Variants in DNMBP observed in about 807,000 individuals in gnomAD.
The protein encoded by DNMBP is dynamin-binding protein.
DNMBP carries 87 observed loss-of-function variants against 150.0 expected under a neutral mutation model. The ratio of observed to expected loss-of-function variants is 0.58; its 90% CI spans 0.49 to 0.69. The LOEUF (loss-of-function observed/expected upper bound fraction) is 0.69, where lower values mean the gene tolerates loss of function less well. DNMBP is among the 30% of genes least tolerant of loss of function. The probability of loss-of-function intolerance (pLI) is 0.00; values close to 1 mark genes in which losing one functional copy is unlikely to be tolerated. For missense variants in DNMBP, 1,774 were observed against 1,949.0 expected (o/e 0.91, Z 1.69); for synonymous variants, 711 against 750.4 (o/e 0.95, Z 0.86).
chr10:100,009,288 T>C (rs1480271195), intron 1 of DNMBP, among the ~76,000 whole-genome samples: 1 of 152,250 alleles, frequency 6.6e-6, no homozygotes, highest in African/African-American at 2.4e-5. Flanking sequence ...CATCTGTGCC[T>C]GCAGCAGGAA....
chr10:99,948,611 GA>G (rs2040385229), intron 4 of DNMBP, among the ~76,000 whole-genome samples: 1 of 152,080 alleles, frequency 6.6e-6, no homozygotes, highest in African/African-American at 2.4e-5. Context: ...CACTAACACT[GA>G]ATATCTTGGA....
intron 9 of DNMBP, 59 bp downstream of exon 9, chr10:99,898,027 T>C (rs1377660311): frequency 2.0e-6 from 3 of 1,477,546 alleles, no homozygotes; most frequent in South Asian, 2.3e-5. Flanking sequence ...TGAATTGTTT[T>C]GAGAAGAAAA....
At chr10:99,930,977 T>C (rs1328592754) in intron 4 of DNMBP, 6 of 461,994 alleles carry the variant, frequency 1.3e-5, no homozygotes. Context: ...TCTATCTTTC[T>C]CCAGAGGCCA....
At chr10:99,944,602 G>A (rs534383477) in intron 4 of DNMBP, among the ~76,000 whole-genome samples, 45 of 152,168 alleles carry the variant, frequency 3.0e-4, no homozygotes, top group African/African-American at 1.0e-3. Context: ...AATGTTCATC[G>A]CTATGTACCC....
intron 1 of DNMBP, among the ~76,000 whole-genome samples, chr10:99,976,773 T>C (rs1012658143): frequency 2.7e-5 from 4 of 150,212 alleles, no homozygotes. Context: ...GGTGGTGTCC[T>C]AAGTATTTTC....
intron 1 of DNMBP, among the ~76,000 whole-genome samples, chr10:99,994,579 A>G (rs762175567): frequency 6.6e-6 from 1 of 152,128 alleles, no homozygotes; most frequent in East Asian, 1.9e-4. Flanking sequence ...GTGCCCCTCT[A>G]CTCTAAGCTC....
rs1235993590 is a variant in DNMBP, at chr10:99,955,870, T to A, written c.1604A>T (p.Glu535Val). The change falls in exon 4 of 17, where the codon GAA becomes GTA. Residue 535 changes from glutamate to valine, a missense_variant. Around this residue, in one of 2 missense-constraint regions of DNMBP, gnomAD observed 1,430 missense variants for 1,492.5 expected, o/e 0.96. Coordinates refer to ENST00000324109, the MANE Select transcript of DNMBP (RefSeq NM_015221.4). The part of the protein sequence containing the change: ...PGPQAQGLVM[E>V]AATHSQGDGS... ...GTCTCCCTGTGAATGTGTTGCTGCT[T>A]CCATAACAAGCCCTTGGGCTTGCGG... 6.2e-7 allele frequency: 1 copy of A among 1,614,076 alleles called. No individual in the cohort carries two copies. The highest frequency in any genetic ancestry group is 8.5e-7 in the Non-Finnish European group (1 of 1,180,042).
In DNMBP at chr10:99,880,089, G is replaced by C; in HGVS notation, c.4270C>G (p.Pro1424Ala). ...DQGTLSASLN[P>A]SNSESSPSRC... Reference sequence around the variant, plus strand: ...GAAGGACTACTCTCTGAATTACTCGGATTTAGGGATGCACTGAGAGTTCCT... The same window carrying C: ...GAAGGACTACTCTCTGAATTACTCGCATTTAGGGATGCACTGAGAGTTCCT... The change falls in exon 16 of 17, where the codon CCG becomes GCG. Residue 1424 changes from proline (P) to alanine (A), a missense_variant. This residue lies in a region of DNMBP where 1,430 missense variants were observed against 1,492.5 expected (regional missense o/e 0.96). Transcript: ENST00000324109. 1.2e-6 allele frequency: 2 copies of C among 1,614,190 alleles called. No individual in the cohort carries two copies. Among genetic ancestry groups the C allele is most frequent in the Non-Finnish European group, 8.5e-7 (1 of 1,180,028 alleles).
At chr10:100,003,890 C>T (rs1383897431) in intron 1 of DNMBP, among the ~76,000 whole-genome samples, 1 of 151,644 alleles carries the variant, frequency 6.6e-6, no homozygotes, top group African/African-American at 2.4e-5. Flanking sequence ...GTTAACCCTC[C>T]TCAAATAATT....
At chr10:99,952,004 T>C (rs2040428578) in intron 4 of DNMBP, among the ~76,000 whole-genome samples, 1 of 152,078 alleles carries the variant, frequency 6.6e-6, no homozygotes, top group South Asian at 2.1e-4. Context: ...CGGTGGGAGA[T>C]AATTGAATCA....
rs780955734 is a variant in DNMBP, at chr10:99,898,117, G to T, written c.2889C>A (p.Asn963Lys). 1 of 1,613,904 alleles carries T rather than the reference G, an allele frequency of 6.2e-7. No homozygotes were observed. Among genetic ancestry groups the T allele is most frequent in the African/African-American group, 1.3e-5 (1 of 74,876 alleles). ...AVLAVKEINV[N>K]INEYKRRKDL... ...CCTTTCGCCGTTTATATTCATTAAT[G>T]TTAACGTTGATTTCCTTGACCGCAA... is the stretch of plus-strand genomic sequence containing the variant. The change falls in exon 9 of 17, where the codon AAC becomes AAA. Residue 963 changes from asparagine to lysine, a missense_variant. By Grantham distance (94) the Asn-to-Lys change is moderately conservative. Transcript: ENST00000324109.
At chr10:99,975,273 T>C (rs924145342) in intron 1 of DNMBP, among the ~76,000 whole-genome samples, 16 of 151,718 alleles carry the variant, frequency 1.1e-4, no homozygotes, top group African/African-American at 3.9e-4. Flanking sequence ...GGCAGGAGAA[T>C]CACTTCAACC....
At chr10:99,972,381 C>A (rs1299112180) in intron 1 of DNMBP, among the ~76,000 whole-genome samples, 2 of 148,518 alleles carry the variant, frequency 1.3e-5, no homozygotes, top group Non-Finnish European at 3.0e-5. Flanking sequence ...GTGATTCTCC[C>A]AGCTCAGTCT....
At chr10:99,957,375 T>C (rs552664537) in intron 3 of DNMBP, 170 bp from the exon 4 acceptor site, 295 of 661,208 alleles carry the variant, frequency 4.5e-4, no homozygotes, top group East Asian at 2.5e-4. Context: ...AGCAGTTCTA[T>C]AAACCTGTAG....
At chr10:99,950,877 G>A (rs893769194) in intron 4 of DNMBP, among the ~76,000 whole-genome samples, 2 of 152,234 alleles carry the variant, frequency 1.3e-5, no homozygotes, top group African/African-American at 4.8e-5. Flanking sequence ...AGAAAAACCA[G>A]CTGCAGAAAT....
chr10:99,935,106 A>AAAAG (rs2040213154), intron 4 of DNMBP, among the ~76,000 whole-genome samples: 2 of 149,100 alleles, frequency 1.3e-5, no homozygotes, highest in Non-Finnish European at 3.0e-5. Flanking sequence ...AAAAAAAAAA[A>AAAAG]AAAAAAAGAA....
At chr10:99,975,542 T>C (rs551710614) in intron 1 of DNMBP, among the ~76,000 whole-genome samples, 14 of 152,308 alleles carry the variant, frequency 9.2e-5, no homozygotes, top group Admixed American at 7.8e-4. Context: ...TTACTTATTA[T>C]AGACTTTTTG....
intron 1 of DNMBP, among the ~76,000 whole-genome samples, chr10:99,978,811 G>A (rs571390242): frequency 1.2e-4 from 19 of 152,126 alleles, no homozygotes; most frequent in Non-Finnish European, 2.6e-4. Context: ...CTCAACTCAG[G>A]TGCTCTGCCC....
At position 99,930,693 on chromosome 10, in the gene DNMBP, TC is replaced by T. The variant is rs768951472; in HGVS notation, c.2261-21548del. On this transcript the variant is annotated intron_variant, in intron 4 of 16. Coordinates refer to ENST00000324109, the MANE Select transcript of DNMBP (RefSeq NM_015221.4). The stretch of plus-strand genomic sequence containing the variant: ...CCGTACACTCCCGTAGTCTTCATAC[TC>T]CCAGCTGGAGTCCCAGTGCCTTTTC... The T allele has an allele frequency of 3.0e-5, 21 of 700,374 alleles. 1 individual carries two copies. The South Asian group carries it at 3.1e-4, about 10-fold the overall frequency. 43.4% of individuals were successfully genotyped at this position (700,374 alleles called of 1,614,324 possible).
Sources: gnomAD v4.1 joint callset for allele counts (sites outside exome capture counted in the v4.1 genomes callset) on GRCh38, gnomAD v4.1.1 for gene constraint, gnomAD v4.1.1 regional missense constraint, MANE v1.5 for transcripts, NCBI Gene and HGNC (gene_info 2026-07-23, HGNC 2026-07-21) for gene names.